The following CTBP2 variants were observed in gnomAD, a reference collection of about 807,000 sequenced individuals.
CTBP2 encodes the protein C-terminal-binding protein 2.
A neutral mutation model predicts 80.3 loss-of-function variants in CTBP2; 30 were observed. The ratio of observed to expected loss-of-function variants is 0.37; its 90% CI spans 0.28 to 0.51. CTBP2 has a LOEUF of 0.51. Among genes scored for constraint, CTBP2 ranks in the 20% least tolerant of loss-of-function variants. The probability of loss-of-function intolerance (pLI) is 0.93; values close to 1 mark genes in which losing one functional copy is unlikely to be tolerated. For missense variants in CTBP2, 1,212 were observed against 1,375.3 expected, an observed-to-expected ratio of 0.88 and a Z score of 1.88; for synonymous variants, 594 against 587.4, an observed-to-expected ratio of 1.01 and a Z score of -0.16.
intron 2 of CTBP2, among the ~76,000 whole-genome samples, chr10:125,062,980 G>T (rs1844045515): frequency 2.6e-5 from 4 of 152,246 alleles, no homozygotes. Context: ...ATGCTCAGAT[G>T]ATCTTTCTGG....
chr10:125,134,005 TTA>T (rs1856582138), intron 1 of CTBP2, among the ~76,000 whole-genome samples: 27 of 152,160 alleles, frequency 1.8e-4, no homozygotes, highest in Admixed American at 1.8e-3. Flanking sequence ...CATGTAAAAC[TTA>T]GCAGGTAGGA....
intron 2 of CTBP2, among the ~76,000 whole-genome samples, chr10:125,052,389 G>A (rs1590351504): frequency 6.6e-6 from 1 of 152,346 alleles, no homozygotes. Context: ...AACACGCAGG[G>A]AGCAGCCTCC....
intron 4 of CTBP2, chr10:124,997,742 T>A: frequency 1.7e-6 from 1 of 585,798 alleles, no homozygotes; most frequent in Non-Finnish European, 3.0e-6. Context: ...CAGACAGCAG[T>A]GGACACGCAT....
rs1589872598 is a variant in CTBP2 at position 124,989,286 on chromosome 10, A to G, written c.*232T>C. The G allele has an allele frequency of 1.8e-6, 1 of 553,774 alleles. No individual in the cohort carries two copies. The highest frequency in any genetic ancestry group is 3.2e-5 in the East Asian group (1 of 30,776). The allele number at this position is 553,774 out of a possible 1,614,324, so 34.3% of individuals were successfully genotyped here. A position where few individuals can be genotyped will look rare whatever the true frequency, so the allele number is the denominator to read the frequency against. On this transcript the variant is annotated 3_prime_UTR_variant, in exon 9 of 9. Coordinates refer to ENST00000309035, the MANE Select transcript of CTBP2 (RefSeq NM_022802.3). Reference sequence around the variant, plus strand: ...GATGCACAGATGAAAAACTTAACACACAATAACAGAAGTTGGTCGTTAATA... The same window carrying G: ...GATGCACAGATGAAAAACTTAACACGCAATAACAGAAGTTGGTCGTTAATA...
intron 2 of CTBP2, among the ~76,000 whole-genome samples, chr10:125,090,550 G>C (rs1848624078): frequency 1.3e-5 from 2 of 151,694 alleles, no homozygotes; most frequent in African/African-American, 2.4e-5. Flanking sequence ...ATCACTTGAG[G>C]CCAGGAGTTT....
chr10:125,085,886 C>T (rs762498737), intron 2 of CTBP2, among the ~76,000 whole-genome samples: 7 of 152,244 alleles, frequency 4.6e-5, no homozygotes, highest in Non-Finnish European at 7.3e-5. Context: ...TCTCCAGCAA[C>T]GCCCAGTGCC....
intron 1 of CTBP2, among the ~76,000 whole-genome samples, chr10:125,124,214 T>G (rs1854824927): frequency 6.6e-6 from 1 of 152,190 alleles, no homozygotes; most frequent in South Asian, 2.1e-4. Flanking sequence ...TGCCCTCAAA[T>G]GCCACACCAG....
chr10:125,014,824 T>C (rs1046962079), intron 1 of CTBP2, among the ~76,000 whole-genome samples: 29 of 152,316 alleles, frequency 1.9e-4, no homozygotes, highest in Non-Finnish European at 1.8e-4. Flanking sequence ...GAATCCAGGC[T>C]CTCCAGGTTG....
At chr10:125,153,679 T>C (rs908320800) in intron 1 of CTBP2, among the ~76,000 whole-genome samples, 1 of 152,174 alleles carries the variant, frequency 6.6e-6, no homozygotes, top group Admixed American at 6.5e-5. Context: ...ATAAAATGAT[T>C]CTTTGCTAGC....
At chr10:125,101,509 G>A (rs1850615775) in intron 2 of CTBP2, among the ~76,000 whole-genome samples, 2 of 152,312 alleles carry the variant, frequency 1.3e-5, no homozygotes, top group South Asian at 2.1e-4. Context: ...ACCCCAATGC[G>A]TGACATTTGG....
chr10:125,072,064 A>G (rs906258031), intron 2 of CTBP2, among the ~76,000 whole-genome samples: 6 of 152,156 alleles, frequency 3.9e-5, no homozygotes, highest in African/African-American at 9.7e-5. Context: ...CCAGAACATA[A>G]TCCACATACA....
intron 2 of CTBP2, 64 bp from the exon 3 acceptor site, chr10:125,039,219 C>T: frequency 1.7e-6 from 1 of 575,956 alleles, no homozygotes; most frequent in Non-Finnish European, 3.0e-6. Flanking sequence ...CAACAGCTCA[C>T]TGGGGACTTA....
chr10:125,004,704 T>TC (rs1955000371), intron 1 of CTBP2, among the ~76,000 whole-genome samples: 2 of 152,166 alleles, frequency 1.3e-5, no homozygotes, highest in African/African-American at 2.4e-5. Context: ...CGGCCTTACA[T>TC]CCCCATCCCC....
At chr10:125,052,352 GC>G (rs1401880113) in intron 2 of CTBP2, among the ~76,000 whole-genome samples, 1 of 152,224 alleles carries the variant, frequency 6.6e-6, no homozygotes, top group Non-Finnish European at 1.5e-5. Context: ...GGTCAGAGGG[GC>G]TGCAGGTCCC....
At chr10:125,075,398 T>C (rs1199093933) in intron 2 of CTBP2, among the ~76,000 whole-genome samples, 1 of 152,168 alleles carries the variant, frequency 6.6e-6, no homozygotes, top group Non-Finnish European at 1.5e-5. Context: ...GTGGGTTCCT[T>C]ATAAAAAGGT....
At chr10:125,139,447 T>A (rs890746349) in intron 1 of CTBP2, among the ~76,000 whole-genome samples, 8 of 152,026 alleles carry the variant, frequency 5.3e-5, no homozygotes, top group Non-Finnish European at 1.0e-4. Flanking sequence ...ATTTCTAATA[T>A]TCTTGAATGA....
intron 1 of CTBP2, among the ~76,000 whole-genome samples, chr10:125,117,327 G>A (rs1022118842): frequency 6.6e-6 from 1 of 152,178 alleles, no homozygotes; most frequent in African/African-American, 2.4e-5. Flanking sequence ...GCAAACGGCA[G>A]TGGGAGATGC....
chr10:125,008,383 AC>A (rs1194381449), intron 1 of CTBP2, among the ~76,000 whole-genome samples: 2 of 152,242 alleles, frequency 1.3e-5, no homozygotes, highest in African/African-American at 2.4e-5. Flanking sequence ...GACACTGGCC[AC>A]ATACCCCAGG....
At position 124,989,839 on chromosome 10, in the gene CTBP2, A is replaced by C. The variant is rs889607100; in HGVS notation, c.2778-141T>G. The stretch of plus-strand genomic sequence containing the variant: ...TCACCTTGACCGACCTTCTGGGCTC[A>C]AGTGATCCCACCTCAGACACCCAAG... On this transcript the variant is annotated intron_variant, in intron 8 of 8. Coordinates refer to ENST00000309035, the MANE Select transcript of CTBP2 (RefSeq NM_022802.3). 3.4e-5 allele frequency: 25 copies of C among 734,122 alleles called. No homozygotes were observed. The Admixed American group carries it at 8.6e-4, about 25-fold the overall frequency. The allele number at this position is 734,122 out of a possible 1,614,324, so 45.5% of individuals were successfully genotyped here. A position where few individuals can be genotyped will look rare whatever the true frequency, so the allele number is the denominator to read the frequency against.
Sources: gnomAD v4.1 joint callset for allele counts (sites outside exome capture counted in the v4.1 genomes callset) on GRCh38, gnomAD v4.1.1 for gene constraint, MANE v1.5 for transcripts, NCBI Gene and HGNC (gene_info 2026-07-23, HGNC 2026-07-21) for gene names.